The following DEFB125 variants were observed in gnomAD, a reference collection of about 807,000 sequenced individuals.
The protein encoded by DEFB125 is defensin beta 125.
In DEFB125, 11 loss-of-function variants were observed where a neutral mutation model predicts 11.8. The observed-to-expected ratio is 0.94, with a 90% CI of 0.59 to 1.55. The LOEUF (loss-of-function observed/expected upper bound fraction) is 1.55, where lower values mean the gene tolerates loss of function less well. Among genes scored for constraint, DEFB125 ranks in the 40% most tolerant of loss-of-function variants. DEFB125 has a pLI of 0.00. For synonymous variants in DEFB125, 79 were observed against 66.7 expected, an observed-to-expected ratio of 1.18 and a Z score of -0.90; for missense variants, 198 against 191.2, an observed-to-expected ratio of 1.04 and a Z score of -0.21.
At chr20:93,770 C>T (rs1463223387) in intron 1 of DEFB125, among the ~76,000 whole-genome samples, 1 of 152,162 alleles carries the variant, frequency 6.6e-6, no homozygotes, top group African/African-American at 2.4e-5. Context: ...GTGAAATACC[C>T]CTGTACAGGG....
intron 1 of DEFB125, among the ~76,000 whole-genome samples, chr20:92,025 A>G (rs2054497876): frequency 6.6e-6 from 1 of 152,238 alleles, no homozygotes; most frequent in Admixed American, 6.5e-5. Flanking sequence ...TTCCCAGAGG[A>G]TAAAATATAA....
chr20:91,087 G>A (rs1196639146), intron 1 of DEFB125, among the ~76,000 whole-genome samples: 3 of 152,128 alleles, frequency 2.0e-5, no homozygotes, highest in Non-Finnish European at 1.5e-5. Context: ...CCTGATGGCT[G>A]TTTGTATGTC....
In DEFB125 at chr20:87,674, T is replaced by C; in HGVS notation, c.-36T>C. 6.2e-7 allele frequency: 1 copy of C among 1,603,162 alleles called. No individual in the cohort carries two copies. The highest frequency in any genetic ancestry group is 2.2e-5 in the East Asian group (1 of 44,806). On this transcript the variant is annotated 5_prime_UTR_variant, in exon 1 of 2. Coordinates refer to ENST00000382410, the MANE Select transcript of DEFB125 (RefSeq NM_153325.4). ...TTCCTTGCTGTGCAGTGTTCTGTAT[T>C]CCTCAGGACACAGAGCTTCCTCTCT...
At chr20:92,071 C>T (rs1271457907) in intron 1 of DEFB125, among the ~76,000 whole-genome samples, 3 of 152,158 alleles carry the variant, frequency 2.0e-5, no homozygotes, top group Non-Finnish European at 2.9e-5. Flanking sequence ...TACATACATA[C>T]ATACATCTAT....
At chr20:88,406 T>C (rs1425025730) in intron 1 of DEFB125, among the ~76,000 whole-genome samples, 1 of 152,308 alleles carries the variant, frequency 6.6e-6, no homozygotes, top group East Asian at 1.9e-4. Flanking sequence ...GTTAACTTTT[T>C]ATTAAAAAAT....
intron 1 of DEFB125, among the ~76,000 whole-genome samples, chr20:93,545 A>G (rs965308437): frequency 3.9e-5 from 6 of 152,132 alleles, no homozygotes; most frequent in Non-Finnish European, 8.8e-5. Context: ...TACTAAAAGC[A>G]TGGACATTTT....
chr20:93,168 C>T (rs1325136810), intron 1 of DEFB125, among the ~76,000 whole-genome samples: 1 of 152,004 alleles, frequency 6.6e-6, no homozygotes, highest in East Asian at 1.9e-4. Flanking sequence ...GACAGGGTTT[C>T]ACCATGGCCA....
At chr20:92,069 T>C (rs553766289) in intron 1 of DEFB125, among the ~76,000 whole-genome samples, 30 of 152,310 alleles carry the variant, frequency 2.0e-4, no homozygotes, top group African/African-American at 7.0e-4. Flanking sequence ...TATACATACA[T>C]ACATACATCT....
In DEFB125 at chr20:96,001, A is replaced by T; in HGVS notation, c.59-4A>T. The stretch of plus-strand genomic sequence containing the variant: ...AAATTTGACCTATATTTTATTCTCT[A>T]CAGGTAGCTTTGAACCCCAAAAATG... On this transcript the variant is annotated splice_polypyrimidine_tract_variant and splice_region_variant and intron_variant, in intron 1 of 1. Transcript: ENST00000382410. 1 of 1,592,518 alleles carries T rather than the reference A, an allele frequency of 6.3e-7. No homozygotes were observed. Among genetic ancestry groups the T allele is most frequent in the Non-Finnish European group, 8.6e-7 (1 of 1,166,374 alleles).
chr20:95,306 CT>C lies in DEFB125; in HGVS notation c.59-692del, dbSNP rs1221961512. Among the ~76,000 whole-genome samples, 5 of 152,094 alleles carry C rather than the reference CT, an allele frequency of 3.3e-5. No individual in the cohort carries two copies. The East Asian group carries it at 7.7e-4, about 23-fold the overall frequency. On this transcript the variant is annotated intron_variant, in intron 1 of 1. Coordinates refer to ENST00000382410, the MANE Select transcript of DEFB125 (RefSeq NM_153325.4). ...CTCACTAGAATTTAATTCTAGTCCT[CT>C]TTTTTTCTCATATTATTCCAACCCA...
chr20:91,389 A>T (rs1329339460), intron 1 of DEFB125, among the ~76,000 whole-genome samples: 1 of 152,126 alleles, frequency 6.6e-6, no homozygotes, highest in Non-Finnish European at 1.5e-5. Flanking sequence ...CTTTGCCAAG[A>T]CCAACGTCCT....
intron 1 of DEFB125, among the ~76,000 whole-genome samples, 178 bp from the exon 2 acceptor site, chr20:95,827 T>C (rs1347921866): frequency 1.3e-5 from 2 of 152,210 alleles, no homozygotes; most frequent in Admixed American, 6.5e-5. Flanking sequence ...ACTTCTTTGA[T>C]GGCACATAGC....
Position 96,456 on chromosome 20 carries a change from G to A in DEFB125, c.*39G>A. On this transcript the variant is annotated 3_prime_UTR_variant, in exon 2 of 2. Coordinates refer to ENST00000382410, the MANE Select transcript of DEFB125 (RefSeq NM_153325.4). ...CTGGTATGGAACAACTAGAAATACT[G>A]CTGGAAATAATATCCAAAGAGCTGA... 6.4e-7 allele frequency: 1 copy of A among 1,561,706 alleles called. No homozygotes were observed. Among genetic ancestry groups the A allele is most frequent in the African/African-American group, 1.4e-5 (1 of 73,082 alleles).
At chr20:90,507 T>C (rs1408753979) in intron 1 of DEFB125, among the ~76,000 whole-genome samples, 3 of 152,224 alleles carry the variant, frequency 2.0e-5, no homozygotes, top group Non-Finnish European at 4.4e-5. Flanking sequence ...CATAGCTTCC[T>C]CATGAGATCT....
intron 1 of DEFB125, among the ~76,000 whole-genome samples, chr20:92,307 C>T (rs1244163281): frequency 6.6e-6 from 1 of 151,800 alleles, no homozygotes; most frequent in Admixed American, 6.6e-5. Flanking sequence ...ACACTAGTTT[C>T]CCTTTAGATT....
rs1491113688 is a variant in DEFB125, at chr20:92,393, TTC to T, written c.59-3610_59-3609del. 7.7e-3 allele frequency among the ~76,000 whole-genome samples: 1,119 copies of T among 145,138 alleles called. 12 individuals are homozygous for T. Among genetic ancestry groups the T allele is most frequent in the African/African-American group, 0.03 (1,056 of 35,566 alleles). ...CATTTCTCTTGTAAATGAACCTTCC[TTC>T]TTTTTTTTTTTTTTTTGAGACAGAG... On this transcript the variant is annotated intron_variant, in intron 1 of 1. Transcript: ENST00000382410.
intron 1 of DEFB125, among the ~76,000 whole-genome samples, chr20:94,888 G>A (rs572489157): frequency 1.3e-5 from 2 of 152,232 alleles, no homozygotes; most frequent in Admixed American, 1.3e-4. Flanking sequence ...TCACATAACG[G>A]AATGTAACAT....
chr20:96,677 C>A lies in DEFB125; in HGVS notation c.*260C>A. ...TTTATCTGTCTTCCTCCGATGTACT[C>A]AAATATATGAGCTAATTTTTGTCTT... On this transcript the variant is annotated 3_prime_UTR_variant, in exon 2 of 2. Coordinates refer to ENST00000382410, the MANE Select transcript of DEFB125 (RefSeq NM_153325.4). 1 of 395,190 alleles carries A rather than the reference C, an allele frequency of 2.5e-6. No individual in the cohort carries two copies. The highest frequency in any genetic ancestry group is 2.0e-5 in the African/African-American group (1 of 49,638). 24.5% of individuals were successfully genotyped at this position (395,190 alleles called of 1,614,324 possible). A position where few individuals can be genotyped will look rare whatever the true frequency, so the allele number is the denominator to read the frequency against.
At position 96,061 on chromosome 20, in the gene DEFB125, T is replaced by G. The variant is rs1256265148; in HGVS notation, c.115T>G (p.Cys39Gly). ...KNNVGHCRRRCLDTERYILLC... is the reference protein window; with the variant it reads ...KNNVGHCRRRGLDTERYILLC... Reference sequence around the variant, plus strand: ...TAATGTAGGACATTGCAGAAGACGATGTTTAGATACTGAAAGGTACATACT... The same window carrying G: ...TAATGTAGGACATTGCAGAAGACGAGGTTTAGATACTGAAAGGTACATACT... The change falls in exon 2 of 2, where the codon TGT (cysteine) becomes GGT (glycine). Residue 39 changes from cysteine (C) to glycine (G), a missense_variant. Transcript: ENST00000382410. The G allele has an allele frequency of 6.2e-7, 1 of 1,613,648 alleles. No homozygotes were observed. The highest frequency in any genetic ancestry group is 1.7e-5 in the Admixed American group (1 of 60,008).
Sources: gnomAD v4.1 joint callset for allele counts (sites outside exome capture counted in the v4.1 genomes callset) on GRCh38, gnomAD v4.1.1 for gene constraint, MANE v1.5 for transcripts, NCBI Gene and HGNC (gene_info 2026-07-23, HGNC 2026-07-21) for gene names.